The following PRKCH variants were observed in gnomAD, a reference collection of about 807,000 sequenced individuals.
PRKCH encodes protein kinase C eta type.
A neutral mutation model predicts 82.5 loss-of-function variants in PRKCH; 28 were observed. The ratio of observed to expected loss-of-function variants is 0.34; its 90% CI spans 0.25 to 0.47. PRKCH has a LOEUF of 0.47. PRKCH is among the 20% of genes least tolerant of loss of function. The pLI, the probability that PRKCH is intolerant of heterozygous loss-of-function variation, is 1.00. For missense variants in PRKCH, 705 were observed against 881.8 expected, an observed-to-expected ratio of 0.80 and a Z score of 2.54; for synonymous variants, 322 against 327.4, an observed-to-expected ratio of 0.98 and a Z score of 0.18.
chr14:61,348,803 C>T (rs567661265), intron 1 of PRKCH, among the ~76,000 whole-genome samples: 9 of 152,250 alleles, frequency 5.9e-5, no homozygotes, highest in Admixed American at 1.3e-4. Context: ...CTCTGCCTTG[C>T]GGCACTTGCA....
At chr14:61,517,402 T>C (rs1412195356) in intron 10 of PRKCH, among the ~76,000 whole-genome samples, 1 of 152,248 alleles carries the variant, frequency 6.6e-6, no homozygotes, top group Non-Finnish European at 1.5e-5. Flanking sequence ...GCTTCAGTGC[T>C]GATAGGGTCT....
chr14:61,206,301 G>C (rs1338115615), intron 1 of PRKCH, among the ~76,000 whole-genome samples: 2 of 152,190 alleles, frequency 1.3e-5, no homozygotes, highest in East Asian at 1.9e-4. Context: ...AGGGAAGAAG[G>C]CTTCCTTGCC....
At chr14:61,414,795 T>A (rs766399887) in intron 2 of PRKCH, among the ~76,000 whole-genome samples, 12 of 152,096 alleles carry the variant, frequency 7.9e-5, no homozygotes, top group Non-Finnish European at 1.6e-4. Context: ...ATCTTTCAGT[T>A]AGCAAACATG....
chr14:61,218,273 C>CTCTCTG (rs1428481827), intron 1 of PRKCH, among the ~76,000 whole-genome samples: 1 of 152,204 alleles, frequency 6.6e-6, no homozygotes, highest in Non-Finnish European at 1.5e-5. Flanking sequence ...CTCTCTCCCT[C>CTCTCTG]TCTCTGTCTC....
At chr14:61,417,049 A>T (rs1882595665) in intron 2 of PRKCH, among the ~76,000 whole-genome samples, 1 of 152,080 alleles carries the variant, frequency 6.6e-6, no homozygotes, top group African/African-American at 2.4e-5. Flanking sequence ...GACTGATATG[A>T]TATTTATAAG....
At chr14:61,343,663 T>A (rs1363184730) in intron 1 of PRKCH, among the ~76,000 whole-genome samples, 1 of 152,240 alleles carries the variant, frequency 6.6e-6, no homozygotes, top group Admixed American at 6.5e-5. Context: ...AATAATTGAT[T>A]GCACAACATC....
chr14:61,378,369 C>T (rs772716261), intron 1 of PRKCH, among the ~76,000 whole-genome samples: 19 of 151,996 alleles, frequency 1.3e-4, no homozygotes, highest in Non-Finnish European at 2.5e-4. Context: ...TGTACCACCA[C>T]ATCTGGCTAA....
At chr14:61,500,024 G>A (rs1195630842) in intron 10 of PRKCH, among the ~76,000 whole-genome samples, 1 of 150,392 alleles carries the variant, frequency 6.6e-6, no homozygotes, top group Non-Finnish European at 1.5e-5. Flanking sequence ...TGTTTCTTCA[G>A]GATTACTGAT....
chr14:61,210,116 ATATATATATATATATAT>A (rs1566781648), intron 1 of PRKCH, among the ~76,000 whole-genome samples: 2 of 13,536 alleles, frequency 1.5e-4, no homozygotes, highest in African/African-American at 1.2e-3. Flanking sequence ...AAACAAATAT[ATATATATATATATATAT>A]ATATATATAT....
At chr14:61,215,175 C>T (rs74402972) in intron 1 of PRKCH, among the ~76,000 whole-genome samples, 2,381 of 152,306 alleles carry the variant, frequency 0.016, 80 homozygotes, top group African/African-American at 0.055. Flanking sequence ...GCTCCAACAA[C>T]AGTCTAGATG....
At chr14:61,353,962 A>G (rs1230582182) in intron 1 of PRKCH, 2 of 152,098 alleles carry the variant, frequency 1.3e-5, no homozygotes, top group African/African-American at 4.8e-5. Context: ...AAGAAGAATC[A>G]CATGGATGAA....
intron 9 of PRKCH, among the ~76,000 whole-genome samples, chr14:61,459,879 C>T (rs891069479): frequency 6.6e-6 from 1 of 152,188 alleles, no homozygotes; most frequent in Non-Finnish European, 1.5e-5. Flanking sequence ...CAGGGTCTCA[C>T]TTTGTCACCA....
chr14:61,331,475 C>T (rs1247258131), intron 1 of PRKCH, among the ~76,000 whole-genome samples: 1 of 152,104 alleles, frequency 6.6e-6, no homozygotes, highest in Admixed American at 6.5e-5. Flanking sequence ...GAGCTATGAT[C>T]GAGCTGCTGC....
At chr14:61,476,393 A>G (rs1179257448) in intron 9 of PRKCH, 7 of 152,240 alleles carry the variant, frequency 4.6e-5, no homozygotes, top group Non-Finnish European at 1.0e-4. Context: ...CTACACAATG[A>G]TACTGGAAAG....
chr14:61,329,663 A>G (rs1197508534), intron 1 of PRKCH, among the ~76,000 whole-genome samples: 1 of 152,190 alleles, frequency 6.6e-6, no homozygotes, highest in African/African-American at 2.4e-5. Context: ...AAGGAGGAAC[A>G]CTTCGCTTTG....
At chr14:61,334,641 G>A (rs956487850) in intron 1 of PRKCH, among the ~76,000 whole-genome samples, 2 of 152,176 alleles carry the variant, frequency 1.3e-5, no homozygotes, top group Non-Finnish European at 2.9e-5. Flanking sequence ...AGTCGGCTTG[G>A]TGTCAGAAAG....
At position 61,442,942 on chromosome 14, in the gene PRKCH, T is replaced by A. The variant is rs1039041231; in HGVS notation, c.428-169T>A. On this transcript the variant is annotated intron_variant, in intron 2 of 13. Coordinates refer to ENST00000332981, the MANE Select transcript of PRKCH (RefSeq NM_006255.5). ...GACAGAGTGAGGTCCTGTCTCAAAG[T>A]AAAGAGTCCTGTTAGGAAGCCATAA... Among the ~76,000 whole-genome samples, 87 of 151,974 alleles carry A rather than the reference T, an allele frequency of 5.7e-4. 7 individuals are homozygous for A.
chr14:61,310,949 C>G (rs1858780169), intron 1 of PRKCH, among the ~76,000 whole-genome samples: 1 of 152,232 alleles, frequency 6.6e-6, no homozygotes, highest in South Asian at 2.1e-4. Context: ...GAAGCAACAG[C>G]CTGAGCTGTA....
intron 9 of PRKCH, among the ~76,000 whole-genome samples, chr14:61,470,953 G>T (rs944042938): frequency 6.6e-6 from 1 of 151,958 alleles, no homozygotes; most frequent in Non-Finnish European, 1.5e-5. Context: ...AGGGACCACC[G>T]AGCCACAGAC....
Sources: gnomAD v4.1 joint callset for allele counts (sites outside exome capture counted in the v4.1 genomes callset) on GRCh38, gnomAD v4.1.1 for gene constraint, MANE v1.5 for transcripts, NCBI Gene and HGNC (gene_info 2026-07-23, HGNC 2026-07-21) for gene names.